The following DPYD variants were observed in gnomAD, a reference collection of about 807,000 sequenced individuals.
The protein encoded by DPYD is dihydropyrimidine dehydrogenase [NADP(+)].
In DPYD, 109 loss-of-function variants were observed where a neutral mutation model predicts 116.2. That is an observed-to-expected ratio of 0.94 (90% CI 0.80 to 1.10). The LOEUF (loss-of-function observed/expected upper bound fraction) is 1.10. DPYD is among the 50% of genes least tolerant of loss of function. The pLI is 0.00. For missense variants in DPYD, 1,302 were observed against 1,254.5 expected (o/e 1.04, Z -0.57); for synonymous variants, 440 against 432.0 (o/e 1.02, Z -0.23).
chr1:97,281,721 T>C (rs367659983), intron 18 of DPYD, among the ~76,000 whole-genome samples: 4 of 152,018 alleles, frequency 2.6e-5, no homozygotes, highest in Admixed American at 6.5e-5. Context: ...GATCCAGAAA[T>C]AGAGGGTTTA....
At chr1:97,586,539 TAGA>T (rs1227042077) in intron 10 of DPYD, among the ~76,000 whole-genome samples, 1 of 133,834 alleles carries the variant, frequency 7.5e-6, no homozygotes, top group East Asian at 2.2e-4. Flanking sequence ...AAAATATATA[TAGA>T]AGATTAGTAA....
intron 13 of DPYD, among the ~76,000 whole-genome samples, chr1:97,481,587 C>G (rs1338123627): frequency 6.6e-6 from 1 of 152,084 alleles, no homozygotes; most frequent in Non-Finnish European, 1.5e-5. Flanking sequence ...CTGAGAATTA[C>G]ACAGCTATTG....
intron 13 of DPYD, among the ~76,000 whole-genome samples, chr1:97,511,985 A>T (rs1207481793): frequency 6.6e-6 from 1 of 151,858 alleles, no homozygotes; most frequent in African/African-American, 2.4e-5. Flanking sequence ...GAATATGAAA[A>T]TTTTTTAATT....
At chr1:97,454,656 T>C (rs557814306) in intron 13 of DPYD, among the ~76,000 whole-genome samples, 11 of 152,008 alleles carry the variant, frequency 7.2e-5, no homozygotes, top group South Asian at 2.1e-4. Flanking sequence ...TTTTAACATT[T>C]GAAGTGATGA....
chr1:97,261,234 T>G (rs1332129244), intron 18 of DPYD, among the ~76,000 whole-genome samples: 1 of 151,958 alleles, frequency 6.6e-6, no homozygotes, highest in Non-Finnish European at 1.5e-5. Flanking sequence ...TAATATAAAT[T>G]TGAAAGGAAA....
chr1:97,090,810 C>T (rs1421587552), intron 21 of DPYD, among the ~76,000 whole-genome samples: 3 of 152,182 alleles, frequency 2.0e-5, no homozygotes, highest in Non-Finnish European at 4.4e-5. Flanking sequence ...TATGTTAGCA[C>T]TACATCTCCA....
Position 97,691,766 on chromosome 1 carries a change from T to TA in DPYD, c.712dup (p.Tyr238LeufsTer2). 6.2e-7 allele frequency: 1 copy of TA among 1,613,666 alleles called. No individual in the cohort carries two copies. Among genetic ancestry groups the TA allele is most frequent in the Non-Finnish European group, 8.5e-7 (1 of 1,179,770 alleles). ...CTCAATCTCAAAATTCACTACATCA[T>TA]ACGGCAGCCGGAACTGAGGAATTTC... On this transcript the variant is annotated frameshift_variant, in exon 7 of 23. Transcript: ENST00000370192. LOFTEE classifies it high-confidence loss of function.
At chr1:97,620,596 T>C (rs186673458) in intron 8 of DPYD, among the ~76,000 whole-genome samples, 5 of 152,324 alleles carry the variant, frequency 3.3e-5, no homozygotes, top group Non-Finnish European at 5.9e-5. Flanking sequence ...TAAACATAGT[T>C]GGCCAAAATT....
At chr1:97,857,449 G>A (rs1670900496) in intron 2 of DPYD, among the ~76,000 whole-genome samples, 3 of 152,128 alleles carry the variant, frequency 2.0e-5, no homozygotes, top group Admixed American at 2.0e-4. Context: ...CCAAGGATGG[G>A]AAAAGGAGCT....
intron 3 of DPYD, among the ~76,000 whole-genome samples, chr1:97,805,136 A>G (rs1157698630): frequency 6.6e-6 from 1 of 151,900 alleles, no homozygotes; most frequent in Non-Finnish European, 1.5e-5. Context: ...GAGACCAACT[A>G]AAAGGCAAAG....
intron 2 of DPYD, among the ~76,000 whole-genome samples, chr1:97,861,748 C>A (rs1395569376): frequency 6.6e-6 from 1 of 151,756 alleles, no homozygotes; most frequent in Non-Finnish European, 1.5e-5. Flanking sequence ...TACACCCCAA[C>A]GTGAACCAAA....
At chr1:97,887,168 T>C (rs890874438) in intron 1 of DPYD, among the ~76,000 whole-genome samples, 8 of 151,660 alleles carry the variant, frequency 5.3e-5, no homozygotes, top group African/African-American at 1.9e-4. Flanking sequence ...CAGAGGAAAA[T>C]GTACATCCCT....
At chr1:97,534,396 C>A (rs964884073) in intron 12 of DPYD, among the ~76,000 whole-genome samples, 3 of 152,034 alleles carry the variant, frequency 2.0e-5, no homozygotes, top group Non-Finnish European at 4.4e-5. Context: ...GTTCTGACTT[C>A]CACATGCTCA....
chr1:97,784,273 A>T (rs397827961), intron 3 of DPYD, among the ~76,000 whole-genome samples: 3 of 97,732 alleles, frequency 3.1e-5, no homozygotes, highest in Admixed American at 9.0e-5. Flanking sequence ...TCCTTTTTTT[A>T]AAAAAAAAAA....
At position 97,113,385 on chromosome 1, in the gene DPYD, C is replaced by G. The variant is rs904821508; in HGVS notation, c.2623-14753G>C. Among the ~76,000 whole-genome samples the G allele has an allele frequency of 5.9e-5, 9 of 151,964 alleles. 1 individual carries two copies. Among genetic ancestry groups the G allele is most frequent in the African/African-American group, 1.9e-4 (8 of 41,386 alleles). ...AGGTAAGAAAAGGTAATAAATTGAT[C>G]TAGCTGGTTAGTCCTCTAGCCTTAG... On this transcript the variant is annotated intron_variant, in intron 20 of 22. Transcript: ENST00000370192.
At chr1:97,347,335 A>G (rs78786116) in intron 16 of DPYD, among the ~76,000 whole-genome samples, 8,412 of 152,048 alleles carry the variant, frequency 0.055, 280 homozygotes, top group Middle Eastern at 0.13. Flanking sequence ...ATTATGAATG[A>G]ATCTTGACTT....
At chr1:97,587,824 C>CA (rs1245977630) in intron 10 of DPYD, among the ~76,000 whole-genome samples, 872 of 56,638 alleles carry the variant, frequency 0.015, 5 homozygotes, top group African/African-American at 0.042. Context: ...ACTCCATCTC[C>CA]AAAAAAAAAA....
At chr1:97,149,868 A>G (rs1654895830) in intron 20 of DPYD, among the ~76,000 whole-genome samples, 1 of 152,240 alleles carries the variant, frequency 6.6e-6, no homozygotes, top group African/African-American at 2.4e-5. Context: ...TTCACATAGT[A>G]ACATTACGAT....
At chr1:97,703,027 C>G (rs889402783) in intron 5 of DPYD, among the ~76,000 whole-genome samples, 1 of 152,000 alleles carries the variant, frequency 6.6e-6, no homozygotes, top group Non-Finnish European at 1.5e-5. Flanking sequence ...CCGATTTGCT[C>G]AACCCCGTGC....
Sources: allele counts gnomAD v4.1 joint callset (sites outside exome capture counted in the v4.1 genomes callset), GRCh38; gene constraint gnomAD v4.1.1; transcripts MANE v1.5; gene names NCBI Gene and HGNC (gene_info 2026-07-23, HGNC 2026-07-21).